Variants in ITGA1 observed in about 807,000 individuals in gnomAD.
The protein encoded by ITGA1 is integrin subunit alpha 1.
A neutral mutation model predicts 145.9 loss-of-function variants in ITGA1; 85 were observed. That is an observed-to-expected ratio of 0.58 (90% CI 0.49 to 0.70). The LOEUF (loss-of-function observed/expected upper bound fraction) is 0.70. Ranked by LOEUF, ITGA1 falls within the 30% of genes least tolerant of loss-of-function variation. The pLI is 0.00. For synonymous variants in ITGA1, 520 were observed against 495.3 expected (o/e 1.05, Z -0.66); for missense variants, 1,351 against 1,418.7 (o/e 0.95, Z 0.77).
rs768015675 is a variant in ITGA1, at chr5:52,887,971, T to A, written c.924+6T>A. On this transcript the variant is annotated splice_donor_region_variant and intron_variant, in intron 8 of 28. Coordinates refer to ENST00000282588, the MANE Select transcript of ITGA1 (RefSeq NM_181501.2). ...TTCAACGGTTTTCCATAGCTGTAAG[T>A]GTGTTGCCGGAGATATTTTCAAACT... The A allele has an allele frequency of 3.7e-6, 6 of 1,610,154 alleles. No individual in the cohort carries two copies. Among genetic ancestry groups the A allele is most frequent in the South Asian group, 1.1e-5 (1 of 90,742 alleles).
intron 1 of ITGA1, among the ~76,000 whole-genome samples, chr5:52,812,247 A>G (rs1748693238): frequency 6.6e-6 from 1 of 152,234 alleles, no homozygotes; most frequent in South Asian, 2.1e-4. Context: ...ATTCACAATT[A>G]GTACCAAAAC....
rs1751323022 is a variant in ITGA1, at chr5:52,957,611, T to G, written c.*5160T>G. 6.6e-6 allele frequency: 1 copy of G among 152,264 alleles called. No individual in the cohort carries two copies. The highest frequency in any genetic ancestry group is 2.1e-4 in the South Asian group (1 of 4,830). 9.4% of individuals were successfully genotyped at this position (152,264 alleles called of 1,614,324 possible). A position where few individuals can be genotyped will look rare whatever the true frequency, so the allele number is the denominator to read the frequency against. The stretch of plus-strand genomic sequence containing the variant: ...AGCCAATTTGCAGGATCTCTTTTCC[T>G]TCTGCCTTCCAGTTGGCTTCTCTTC... On this transcript the variant is annotated 3_prime_UTR_variant, in exon 29 of 29. Transcript: ENST00000282588.
intron 1 of ITGA1, among the ~76,000 whole-genome samples, chr5:52,816,172 C>T (rs1376669115): frequency 6.6e-6 from 1 of 152,086 alleles, no homozygotes; most frequent in African/African-American, 2.4e-5. Flanking sequence ...AGTAATGCTC[C>T]AAACATTTTA....
chr5:52,846,033 G>A (rs1015588150), intron 1 of ITGA1, among the ~76,000 whole-genome samples: 2 of 152,054 alleles, frequency 1.3e-5, no homozygotes, highest in African/African-American at 4.8e-5. Flanking sequence ...ACACATCTAG[G>A]CTGTATATCG....
chr5:52,871,461 ATTAG>A (rs1310900570), intron 6 of ITGA1, among the ~76,000 whole-genome samples: 2 of 152,148 alleles, frequency 1.3e-5, no homozygotes, highest in Non-Finnish European at 2.9e-5. Flanking sequence ...TGCTGTATTG[ATTAG>A]TTACACATTT....
chr5:52,842,687 CT>C (rs34210679), intron 1 of ITGA1, among the ~76,000 whole-genome samples: 54,064 of 116,852 alleles, frequency 0.46, 10,401 homozygotes, highest in African/African-American at 0.65. Flanking sequence ...GGAGCATCAT[CT>C]TTTTTTTTTT....
At chr5:52,803,849 TAAAC>T (rs1378086269) in intron 1 of ITGA1, 1 of 152,160 alleles carries the variant, frequency 6.6e-6, no homozygotes, top group Non-Finnish European at 1.5e-5. Flanking sequence ...TAAAATCTGA[TAAAC>T]AAAGGCAATA....
At chr5:52,936,738 G>C (rs575783994) in intron 23 of ITGA1, among the ~76,000 whole-genome samples, 1 of 152,158 alleles carries the variant, frequency 6.6e-6, no homozygotes, top group Non-Finnish European at 1.5e-5. Flanking sequence ...ACTGGTAGCA[G>C]AACATGATAC....
chr5:52,865,719 G>A lies in ITGA1; in HGVS notation c.526G>A (p.Val176Met). 6.3e-7 allele frequency: 1 copy of A among 1,590,590 alleles called. No individual in the cohort carries two copies. Among genetic ancestry groups the A allele is most frequent in the Non-Finnish European group, 8.5e-7 (1 of 1,172,388 alleles). The change falls in exon 6 of 29, where the codon GTG (valine) becomes ATG (methionine). Residue 176 changes from valine (V) to methionine (M), a missense_variant. Coordinates refer to ENST00000282588, the MANE Select transcript of ITGA1 (RefSeq NM_181501.2). ...CAGCACTCAACTGGACATAGTCATAGTGCTGGATGGTTCCAACAGTATTTA... is the reference window on the plus strand; with the variant it reads ...CAGCACTCAACTGGACATAGTCATAATGCTGGATGGTTCCAACAGTATTTA... ...ECSTQLDIVI[V>M]LDGSNSIYPW...
In ITGA1 at chr5:52,910,252, A is replaced by T. The variant is rs2111849143; in HGVS notation, c.1690A>T (p.Asn564Tyr). ...QHNSCTTENK[N>Y]EPCGARFGTA... ...CAATTCATGCACAACAGAAAACAAA[A>T]ATGAGCCATGCGGGGCTCGTTTTGG... The change falls in exon 14 of 29, where the codon AAT becomes TAT. Residue 564 changes from asparagine (N) to tyrosine (Y), a missense_variant. Physicochemically the swap from Asn to Tyr is moderately radical, Grantham distance 143. Transcript: ENST00000282588. 6.2e-7 allele frequency: 1 copy of T among 1,613,976 alleles called. No homozygotes were observed. The highest frequency in any genetic ancestry group is 8.5e-7 in the Non-Finnish European group (1 of 1,179,926).
At chr5:52,932,167 C>A (rs1040459006) in intron 22 of ITGA1, 31 bp downstream of exon 22, 2 of 1,315,408 alleles carry the variant, frequency 1.5e-6, no homozygotes, top group Non-Finnish European at 2.2e-6. Flanking sequence ...TATGTGGATG[C>A]CTTTCTATTA....
intron 6 of ITGA1, 104 bp from the exon 7 acceptor site, chr5:52,881,769 A>C: frequency 9.5e-7 from 1 of 1,051,526 alleles, no homozygotes; most frequent in Non-Finnish European, 1.4e-6. Flanking sequence ...ATAGGTTTGC[A>C]AACTCATCTG....
At chr5:52,896,704 G>T (rs970817447) in intron 9 of ITGA1, among the ~76,000 whole-genome samples, 1 of 152,168 alleles carries the variant, frequency 6.6e-6, no homozygotes, top group Non-Finnish European at 1.5e-5. Context: ...GGAAATTGTG[G>T]CTTTGGGTTT....
intron 6 of ITGA1, among the ~76,000 whole-genome samples, chr5:52,875,619 A>G (rs548421977): frequency 3.3e-5 from 5 of 152,214 alleles, no homozygotes; most frequent in Non-Finnish European, 7.3e-5. Flanking sequence ...CCGTGATATT[A>G]TAAGAAACTG....
chr5:52,893,182 G>C (rs1384045152), intron 8 of ITGA1, among the ~76,000 whole-genome samples: 2 of 152,092 alleles, frequency 1.3e-5, no homozygotes, highest in African/African-American at 4.8e-5. Context: ...TGCCAATTTA[G>C]ATTACCACTT....
At chr5:52,817,394 A>G (rs183726244) in intron 1 of ITGA1, among the ~76,000 whole-genome samples, 2 of 152,328 alleles carry the variant, frequency 1.3e-5, no homozygotes, top group East Asian at 1.9e-4. Context: ...TCTGTAAGTA[A>G]TTGGCACACA....
At chr5:52,922,129 C>T (rs1234092599) in intron 17 of ITGA1, among the ~76,000 whole-genome samples, 7 of 151,916 alleles carry the variant, frequency 4.6e-5, no homozygotes, top group East Asian at 1.9e-4. Flanking sequence ...GGTGAAACCC[C>T]GTCTCTACTA....
intron 1 of ITGA1, among the ~76,000 whole-genome samples, chr5:52,827,224 A>G (rs1176386975): frequency 6.6e-6 from 1 of 152,050 alleles, no homozygotes; most frequent in Non-Finnish European, 1.5e-5. Context: ...TAGTAACTGC[A>G]GATACGGTGG....
intron 1 of ITGA1, among the ~76,000 whole-genome samples, chr5:52,835,064 T>C (rs1203985773): frequency 6.6e-6 from 1 of 152,180 alleles, no homozygotes; most frequent in Non-Finnish European, 1.5e-5. Flanking sequence ...TCCCATACAA[T>C]ACTTCCACTT....
Sources: gnomAD v4.1 joint callset for allele counts (sites outside exome capture counted in the v4.1 genomes callset) on GRCh38, gnomAD v4.1.1 for gene constraint, MANE v1.5 for transcripts, NCBI Gene and HGNC (gene_info 2026-07-23, HGNC 2026-07-21) for gene names.